The following ARHGAP6 variants were observed in gnomAD, a reference collection of about 807,000 sequenced individuals.
ARHGAP6 encodes the protein Rho GTPase activating protein 6, also known as rho GTPase-activating protein 6.
A neutral mutation model predicts 55.7 loss-of-function variants in ARHGAP6; 16 were observed. The observed-to-expected ratio is 0.29, with a 90% CI of 0.19 to 0.44. ARHGAP6 has a LOEUF of 0.44. Among genes scored for constraint, ARHGAP6 ranks in the 20% least tolerant of loss-of-function variants. The pLI is 1.00. For synonymous variants in ARHGAP6, 382 were observed against 360.9 expected, an observed-to-expected ratio of 1.06 and a Z score of -0.66; for missense variants, 698 against 808.9, an observed-to-expected ratio of 0.86 and a Z score of 1.66.
chrX:11,477,187 C>A (rs2050412406), intron 1 of ARHGAP6, among the ~76,000 whole-genome samples: 1 of 108,903 alleles, frequency 9.2e-6, no homozygotes. Context: ...ATTTTTCAAG[C>A]TGGTAAAAGA....
intron 11 of ARHGAP6, 197 bp downstream of exon 11, chrX:11,143,783 C>A: frequency 6.1e-6 from 7 of 1,143,989 alleles, no homozygotes; most frequent in Non-Finnish European, 8.1e-6. Flanking sequence ...ACCCTCCCAG[C>A]CAACGACTGG....
At chrX:11,449,656 C>T (rs2050125354) in intron 1 of ARHGAP6, among the ~76,000 whole-genome samples, 1 of 112,257 alleles carries the variant, frequency 8.9e-6, no homozygotes, top group Non-Finnish European at 1.9e-5. Context: ...CCCCTGAAAG[C>T]ATGAGCCACA....
chrX:11,173,363 C>A (rs1227525375), intron 8 of ARHGAP6, among the ~76,000 whole-genome samples: 1 of 111,845 alleles, frequency 8.9e-6, no homozygotes, highest in Non-Finnish European at 1.9e-5. Flanking sequence ...TTTGTAACTT[C>A]TTTTTTTGCC....
chrX:11,526,818 TGACA>T (rs2050993747), intron 1 of ARHGAP6, among the ~76,000 whole-genome samples: 1 of 111,974 alleles, frequency 8.9e-6, no homozygotes, highest in African/African-American at 3.2e-5. Context: ...TCATTTTGAT[TGACA>T]AATTAATTTG....
At chrX:11,296,837 T>C (rs1261919897) in intron 1 of ARHGAP6, 1 of 1,208,804 alleles carries the variant, frequency 8.3e-7, no homozygotes, top group Admixed American at 2.2e-5. Flanking sequence ...GTAATTTTTC[T>C]CTTTACTAAT....
chrX:11,406,092 AG>A (rs910093399), intron 1 of ARHGAP6, among the ~76,000 whole-genome samples: 1 of 110,885 alleles, frequency 9.0e-6, no homozygotes, highest in African/African-American at 3.3e-5. Context: ...TTTTAGAGAC[AG>A]GGTCTTGCCA....
At chrX:11,339,702 T>C (rs937755311) in intron 1 of ARHGAP6, among the ~76,000 whole-genome samples, 13 of 111,943 alleles carry the variant, frequency 1.2e-4, no homozygotes, top group Non-Finnish European at 2.3e-4. Flanking sequence ...TTCTCTCTCC[T>C]CAGCTCTGAG....
intron 1 of ARHGAP6, among the ~76,000 whole-genome samples, chrX:11,418,117 C>T (rs954514279): frequency 7.9e-4 from 88 of 111,698 alleles, no homozygotes; most frequent in African/African-American, 2.8e-3. Flanking sequence ...CAATATAGTC[C>T]CTGGTTCTGG....
chrX:11,519,131 G>C (rs1289490004), intron 1 of ARHGAP6, among the ~76,000 whole-genome samples: 2 of 94,300 alleles, frequency 2.1e-5, no homozygotes, highest in Non-Finnish European at 4.1e-5. Flanking sequence ...ATGATTTATA[G>C]TCCTTTGGGT....
At chrX:11,294,669 C>A (rs1052431081) in intron 1 of ARHGAP6, 3 of 835,020 alleles carry the variant, frequency 3.6e-6, no homozygotes, top group Admixed American at 4.5e-5. Flanking sequence ...ATGGCTCCAT[C>A]CTTCTTACTA....
chrX:11,153,559 A>T (rs1246322554), intron 10 of ARHGAP6, among the ~76,000 whole-genome samples: 3 of 105,616 alleles, frequency 2.8e-5, no homozygotes, highest in African/African-American at 1.0e-4. Flanking sequence ...AGGCAACTAC[A>T]GCTAGAGGGG....
chrX:11,352,658 C>A (rs1468766930), intron 1 of ARHGAP6, among the ~76,000 whole-genome samples: 1 of 111,644 alleles, frequency 9.0e-6, no homozygotes, highest in African/African-American at 3.3e-5. Flanking sequence ...ATTCTCAATT[C>A]TCCAGTACTG....
At chrX:11,575,901 G>A (rs2051590983) in intron 1 of ARHGAP6, among the ~76,000 whole-genome samples, 1 of 112,222 alleles carries the variant, frequency 8.9e-6, no homozygotes, top group South Asian at 3.7e-4. Context: ...TTAAATTATT[G>A]CCTGAGAGCT....
intron 1 of ARHGAP6, among the ~76,000 whole-genome samples, chrX:11,599,116 G>A (rs57120672): frequency 9.0e-6 from 1 of 111,091 alleles, no homozygotes; most frequent in East Asian, 2.8e-4. Flanking sequence ...GTAATAAACC[G>A]TGTGTCTGTG....
chrX:11,252,224 G>T (rs951700745), intron 2 of ARHGAP6, among the ~76,000 whole-genome samples: 14 of 112,677 alleles, frequency 1.2e-4, no homozygotes, highest in African/African-American at 4.5e-4. Flanking sequence ...GCCACAGAGA[G>T]TATCTGTTCC....
At chrX:11,207,500 C>T (rs2046723419) in intron 2 of ARHGAP6, among the ~76,000 whole-genome samples, 1 of 112,016 alleles carries the variant, frequency 8.9e-6, no homozygotes, top group South Asian at 3.7e-4. Context: ...CAATTACTAA[C>T]CCCTTTAGAC....
intron 1 of ARHGAP6, among the ~76,000 whole-genome samples, chrX:11,393,003 G>A (rs1363942778): frequency 2.7e-5 from 3 of 111,313 alleles, no homozygotes; most frequent in African/African-American, 9.8e-5. Context: ...ATTACAAGAA[G>A]GATATCCTGA....
At chrX:11,305,869 A>T (rs1239638283) in intron 1 of ARHGAP6, among the ~76,000 whole-genome samples, 1 of 112,019 alleles carries the variant, frequency 8.9e-6, no homozygotes, top group East Asian at 2.8e-4. Flanking sequence ...CCCTACAGCC[A>T]TGGAGAATAT....
At chrX:11,339,216 C>T (rs1250336792) in intron 1 of ARHGAP6, among the ~76,000 whole-genome samples, 1 of 112,102 alleles carries the variant, frequency 8.9e-6, no homozygotes, top group African/African-American at 3.2e-5. Context: ...TCCTGGGATG[C>T]CCTTCTGGAC....
Sources: gnomAD v4.1 joint callset for allele counts (sites outside exome capture counted in the v4.1 genomes callset) on GRCh38, gnomAD v4.1.1 for gene constraint, MANE v1.5 for transcripts, NCBI Gene and HGNC (gene_info 2026-07-23, HGNC 2026-07-21) for gene names.